ABAT: variants seen among roughly 807,000 people sequenced by gnomAD.
ABAT encodes the protein 4-aminobutyrate aminotransferase, mitochondrial.
A neutral mutation model predicts 64.6 loss-of-function variants in ABAT; 45 were observed. The ratio of observed to expected loss-of-function variants is 0.70; its 90% confidence interval spans 0.55 to 0.89. ABAT has a LOEUF of 0.89. Ranked by LOEUF, ABAT falls within the 40% of genes least tolerant of loss-of-function variation. The pLI, the probability that ABAT is intolerant of heterozygous loss-of-function variation, is 0.00. For synonymous variants in ABAT, 297 were observed against 250.5 expected, an observed-to-expected ratio of 1.19 and a Z score of -1.75; for missense variants, 633 against 658.4, an observed-to-expected ratio of 0.96 and a Z score of 0.42.
intron 6 of ABAT, among the ~76,000 whole-genome samples, chr16:8,761,216 G>C (rs10775276): frequency 0.88 from 125,387 of 142,342 alleles, 55,443 homozygotes; most frequent in Middle Eastern, 0.93. Flanking sequence ...ACCTCTCTCT[G>C]CCCTCTCACC....
intron 1 of ABAT, among the ~76,000 whole-genome samples, chr16:8,733,527 T>C (rs995955167): frequency 7.9e-5 from 12 of 151,856 alleles, no homozygotes; most frequent in Non-Finnish European, 1.3e-4. Context: ...GCCGCTGCAC[T>C]CCAGCCTGGG....
intron 12 of ABAT, among the ~76,000 whole-genome samples, chr16:8,773,670 CT>C (rs1270634333): frequency 6.6e-6 from 1 of 152,160 alleles, no homozygotes; most frequent in East Asian, 1.9e-4. Flanking sequence ...TCTAACTGTA[CT>C]TTTGTATCCA....
At chr16:8,749,530 C>G (rs1730306210) in intron 4 of ABAT, among the ~76,000 whole-genome samples, 1 of 149,274 alleles carries the variant, frequency 6.7e-6, no homozygotes, top group African/African-American at 2.5e-5. Context: ...TCCCAAGTAG[C>G]TGGGATTACA....
intron 5 of ABAT, among the ~76,000 whole-genome samples, chr16:8,756,924 T>G (rs1363080659): frequency 6.6e-6 from 1 of 152,152 alleles, no homozygotes; most frequent in African/African-American, 2.4e-5. Context: ...CCAGTCTGGA[T>G]GGTAAATGCT....
At chr16:8,730,379 C>T (rs1449017483) in intron 1 of ABAT, among the ~76,000 whole-genome samples, 1 of 152,172 alleles carries the variant, frequency 6.6e-6, no homozygotes, top group Non-Finnish European at 1.5e-5. Flanking sequence ...TGGGCAGCCA[C>T]AGCGTGCTGG....
chr16:8,688,232 T>C (rs1180031578), intron 1 of ABAT, among the ~76,000 whole-genome samples: 1 of 152,110 alleles, frequency 6.6e-6, no homozygotes, highest in Non-Finnish European at 1.5e-5. Flanking sequence ...TGGGTAACAC[T>C]GGGTACTACT....
chr16:8,773,518 T>TTTGGATCA (rs1238664061), intron 12 of ABAT, among the ~76,000 whole-genome samples: 1 of 152,236 alleles, frequency 6.6e-6, no homozygotes, highest in African/African-American at 2.4e-5. Context: ...CAAATCTGGG[T>TTTGGATCA]AATTGGATAT....
chr16:8,773,051 CAG>C lies in ABAT; in HGVS notation c.954+135_954+136del, dbSNP rs376622297. On this transcript the variant is annotated intron_variant, in intron 12 of 15. Coordinates refer to ENST00000268251, the MANE Select transcript of ABAT (RefSeq NM_020686.6). ...ACTTGCAGAGGCTGTCTGTCAGCAT[CAG>C]GGGTGGAGAAGTTGGGGTTGGTGAA... The C allele has an allele frequency of 1.5e-5, 18 of 1,212,550 alleles. 2 individuals are homozygous for C. Among genetic ancestry groups the C allele is most frequent in the African/African-American group, 1.4e-4 (9 of 65,950 alleles). 75.1% of individuals were successfully genotyped at this position (1,212,550 alleles called of 1,614,324 possible). A position where few individuals can be genotyped will look rare whatever the true frequency, so the allele number is the denominator to read the frequency against.
chr16:8,749,386 CTTTTTTTTTTTT>C (rs1160144275), intron 4 of ABAT, among the ~76,000 whole-genome samples: 12 of 32,016 alleles, frequency 3.7e-4, no homozygotes, highest in Non-Finnish European at 6.1e-4. Context: ...CGCACCCGGC[CTTTTTTTTTTTT>C]TTTTTTTTTT....
chr16:8,743,007 TAAAAA>T (rs71152928), intron 2 of ABAT, among the ~76,000 whole-genome samples: 3 of 124,246 alleles, frequency 2.4e-5, no homozygotes, highest in Admixed American at 8.8e-5. Context: ...CTCATTTCTT[TAAAAA>T]AAAAAAAAAA....
chr16:8,711,767 G>A (rs1242582418), intron 1 of ABAT, among the ~76,000 whole-genome samples: 2 of 141,232 alleles, frequency 1.4e-5, no homozygotes, highest in Non-Finnish European at 3.2e-5. Flanking sequence ...TGGGAAGATG[G>A]ATGGATGGAT....
chr16:8,754,670 A>ATTTCTTTCTTTC (rs978873490), intron 5 of ABAT, among the ~76,000 whole-genome samples: 5 of 14,606 alleles, frequency 3.4e-4, no homozygotes, highest in Admixed American at 1.0e-3. Context: ...TGATTTATTT[A>ATTTCTTTCTTTC]TTTCTTTCTT....
chr16:8,752,714 C>G (rs2059524017), intron 5 of ABAT, among the ~76,000 whole-genome samples: 1 of 152,118 alleles, frequency 6.6e-6, no homozygotes, highest in Non-Finnish European at 1.5e-5. Context: ...CTGCAGTGGG[C>G]TATGATCACT....
At chr16:8,739,255 A>T (rs1454704807) in intron 2 of ABAT, among the ~76,000 whole-genome samples, 1 of 152,224 alleles carries the variant, frequency 6.6e-6, no homozygotes, top group African/African-American at 2.4e-5. Context: ...AGGAGACACC[A>T]TGGGAAGAGC....
chr16:8,780,867 T>C lies in ABAT; in HGVS notation c.1382-442T>C, dbSNP rs79293711. 736 of 379,162 alleles carry C rather than the reference T, an allele frequency of 1.9e-3. 10 individuals carry two copies. Among genetic ancestry groups the C allele is most frequent in the African/African-American group, 0.014 (665 of 48,570 alleles). The allele number at this position is 379,162 out of a possible 1,614,324, so 23.5% of individuals were successfully genotyped here. On this transcript the variant is annotated intron_variant, in intron 15 of 15. Coordinates refer to ENST00000268251, the MANE Select transcript of ABAT (RefSeq NM_020686.6). ...ATAAGCAGAGCCTGTCCCTCCTCCG[T>C]AATAGCTCAGCACCTCACACATGCT...
At chr16:8,752,961 T>C (rs1596456299) in intron 5 of ABAT, among the ~76,000 whole-genome samples, 1 of 152,074 alleles carries the variant, frequency 6.6e-6, no homozygotes, top group African/African-American at 2.4e-5. Flanking sequence ...TGGAGTAGGG[T>C]CTTCTAACAT....
At chr16:8,740,643 G>T (rs184861839) in intron 2 of ABAT, among the ~76,000 whole-genome samples, 1 of 152,300 alleles carries the variant, frequency 6.6e-6, no homozygotes, top group Non-Finnish European at 1.5e-5. Context: ...TCCCTGTGAG[G>T]CCATTAAAGT....
At chr16:8,755,227 C>A (rs2059616979) in intron 5 of ABAT, among the ~76,000 whole-genome samples, 1 of 152,060 alleles carries the variant, frequency 6.6e-6, no homozygotes, top group Non-Finnish European at 1.5e-5. Flanking sequence ...GGTGGGTCTC[C>A]TACGCCTCCC....
chr16:8,736,109 G>A, intron 2 of ABAT: 1 of 422,094 alleles, frequency 2.4e-6, no homozygotes, highest in South Asian at 2.2e-5. Flanking sequence ...AGGCAAGAGA[G>A]CATGTGCAGG....
Sources: allele counts gnomAD v4.1 joint callset (sites outside exome capture counted in the v4.1 genomes callset), GRCh38; gene constraint gnomAD v4.1.1; transcripts MANE v1.5; gene names NCBI Gene and HGNC (gene_info 2026-07-23, HGNC 2026-07-21).